Variants in CNGB1 observed in about 807,000 individuals in gnomAD.
CNGB1 encodes cyclic nucleotide gated channel subunit beta 1.
In CNGB1, 126 loss-of-function variants were observed where a neutral mutation model predicts 151.7. That is an observed-to-expected ratio of 0.83 (90% CI 0.72 to 0.96). The LOEUF (loss-of-function observed/expected upper bound fraction) is 0.96, where lower values mean the gene tolerates loss of function less well. CNGB1 is among the 40% of genes least tolerant of loss of function. The probability of loss-of-function intolerance (pLI) is 0.00; values close to 1 mark genes in which losing one functional copy is unlikely to be tolerated. For synonymous variants in CNGB1, 623 were observed against 635.1 expected (o/e 0.98, Z 0.29); for missense variants, 1,698 against 1,627.0 (o/e 1.04, Z -0.75).
intron 26 of CNGB1, 123 bp from the exon 27 acceptor site, chr16:57,904,104 G>A (rs879900510): frequency 3.0e-5 from 24 of 810,088 alleles, no homozygotes; most frequent in Non-Finnish European, 4.8e-5. Flanking sequence ...CAGGGCGTTG[G>A]GAGGGGGGTA....
At chr16:57,933,318 A>AT (rs1194319304) in intron 16 of CNGB1, among the ~76,000 whole-genome samples, 5 of 152,170 alleles carry the variant, frequency 3.3e-5, no homozygotes, top group Non-Finnish European at 7.3e-5. Flanking sequence ...GCTACTTCCT[A>AT]TTTGGATAAC....
chr16:57,926,832 T>C (rs1346081447), intron 17 of CNGB1, among the ~76,000 whole-genome samples: 2 of 152,072 alleles, frequency 1.3e-5, no homozygotes, highest in African/African-American at 4.8e-5. Flanking sequence ...ATACAAAAAT[T>C]AGCCGGGTAT....
At chr16:57,946,176 C>T (rs1961804209) in intron 14 of CNGB1, among the ~76,000 whole-genome samples, 1 of 152,170 alleles carries the variant, frequency 6.6e-6, no homozygotes, top group Non-Finnish European at 1.5e-5. Context: ...CTGGAGACAC[C>T]CTCCGGCTTT....
chr16:57,908,119 G>A (rs1960605670), intron 25 of CNGB1, among the ~76,000 whole-genome samples: 2 of 152,328 alleles, frequency 1.3e-5, no homozygotes, highest in South Asian at 2.1e-4. Context: ...TCGAACTTGT[G>A]AGCTCAAGCA....
At chr16:57,967,709 A>G (rs547474539) in intron 1 of CNGB1, among the ~76,000 whole-genome samples, 1 of 152,090 alleles carries the variant, frequency 6.6e-6, no homozygotes, top group East Asian at 1.9e-4. Context: ...AATATATAAT[A>G]TATATACACA....
chr16:57,909,534 G>A (rs1170192056), intron 25 of CNGB1, among the ~76,000 whole-genome samples: 3 of 152,152 alleles, frequency 2.0e-5, no homozygotes, highest in African/African-American at 4.8e-5. Context: ...GATTACAGGC[G>A]TGCATCACCA....
intron 24 of CNGB1, among the ~76,000 whole-genome samples, chr16:57,912,136 G>A (rs542492308): frequency 6.6e-6 from 1 of 151,896 alleles, no homozygotes; most frequent in Admixed American, 6.6e-5. Context: ...GGAGGAGCAG[G>A]GAGGGACTGA....
chr16:57,962,753 C>T, intron 6 of CNGB1, 89 bp downstream of exon 6: 1 of 1,585,814 alleles, frequency 6.3e-7, no homozygotes. Context: ...CCAGCCTGGG[C>T]AGAGGCTCCC....
intron 17 of CNGB1, among the ~76,000 whole-genome samples, chr16:57,931,161 T>A (rs1961335893): frequency 2.0e-5 from 3 of 151,444 alleles, no homozygotes; most frequent in African/African-American, 7.3e-5. Context: ...TAAAAAGTTT[T>A]TTTTTTTTAT....
intron 14 of CNGB1, among the ~76,000 whole-genome samples, chr16:57,942,062 AG>A (rs1280498001): frequency 6.6e-6 from 1 of 151,682 alleles, no homozygotes; most frequent in African/African-American, 2.4e-5. Flanking sequence ...TGGTATTTTT[AG>A]TAGAGATAGG....
chr16:57,917,400 C>G lies in CNGB1; in HGVS notation c.2034G>C (p.Trp678Cys). ...TGTCCGGGGTCTGGTAGGGGAAGGC[C>G]CAGCGCACGGGAATCAGCCAACAGT... Reference protein sequence around the residue: ...NWNCWLIPVRWAFPYQTPDNI... With the variant: ...NWNCWLIPVRCAFPYQTPDNI... Residue 678 changes from tryptophan to cysteine, a missense_variant, in exon 21 of 33, where the codon TGG becomes TGC. By Grantham distance (215) the Trp-to-Cys change is radical. Coordinates refer to ENST00000251102, the MANE Select transcript of CNGB1 (RefSeq NM_001297.5). 1.2e-6 allele frequency: 2 copies of G among 1,614,048 alleles called. No individual in the cohort carries two copies. The highest frequency in any genetic ancestry group is 1.3e-5 in the African/African-American group (1 of 74,990).
rs1015270035 is a variant in CNGB1 at position 57,958,492 on chromosome 16, G to A, written c.762-7C>T. 3 of 1,613,372 alleles carry A rather than the reference G, an allele frequency of 1.9e-6. No homozygotes were observed. The Admixed American group carries it at 5.0e-5, about 27-fold the overall frequency. ...CAGGACCCATGCCACCAGCCTGCAG[G>A]TGGGAGAGAGTGTGCGGTGTCCAGG... On this transcript the variant is annotated splice_region_variant and splice_polypyrimidine_tract_variant and intron_variant, in intron 10 of 32. Transcript: ENST00000251102.
Position 57,941,738 on chromosome 16 carries a change from ACAT to A in CNGB1, c.1122-1420_1122-1418del, listed in dbSNP as rs1448840354. Among the ~76,000 whole-genome samples the A allele has an allele frequency of 8.5e-5, 13 of 152,372 alleles. No homozygotes were observed. The East Asian group carries it at 2.3e-3, about 27-fold the overall frequency. On this transcript the variant is annotated intron_variant, in intron 14 of 32. Coordinates refer to ENST00000251102, the MANE Select transcript of CNGB1 (RefSeq NM_001297.5). ...GTCATATGTGACAAGCCCGCAGCTG[ACAT>A]CATACCTAATGGTGAAAAGCTGAAA...
intron 21 of CNGB1, 127 bp from the exon 22 acceptor site, chr16:57,916,306 G>T: frequency 1.1e-6 from 1 of 936,248 alleles, no homozygotes; most frequent in Non-Finnish European, 1.7e-6. Context: ...GACCATCTGA[G>T]CCTTGGTGAA....
At chr16:57,942,902 A>T (rs1961708167) in intron 14 of CNGB1, among the ~76,000 whole-genome samples, 1 of 151,868 alleles carries the variant, frequency 6.6e-6, no homozygotes, top group South Asian at 2.1e-4. Flanking sequence ...ATTGAACACT[A>T]CTTAAATGTA....
rs371859814 is a variant in CNGB1 at position 57,917,460 on chromosome 16, T to C, written c.1974A>G (p.Leu658=). The change falls in exon 21 of 33, where the codon CTA becomes CTG. Residue 658 remains leucine, a synonymous_variant. Transcript: ENST00000251102. The part of the protein sequence containing the change: ...IDPLTNLMYV[L]WLFFVVMAWN... Reference sequence around the variant, plus strand: ...AGGCCATCACCACGAAGAACAGCCATAGGACATACATCAGGTCTGTGGGGA... The same window carrying C: ...AGGCCATCACCACGAAGAACAGCCACAGGACATACATCAGGTCTGTGGGGA... 23 of 1,613,918 alleles carry C rather than the reference T, an allele frequency of 1.4e-5. No individual in the cohort carries two copies. The highest frequency in any genetic ancestry group is 2.2e-5 in the East Asian group (1 of 44,890).
rs755904707 is a variant in CNGB1 at position 57,962,613 on chromosome 16, G to A, written c.413-3C>T. 3 of 1,613,786 alleles carry A rather than the reference G, an allele frequency of 1.9e-6. No homozygotes were observed. Among genetic ancestry groups the A allele is most frequent in the East Asian group, 2.2e-5 (1 of 44,872 alleles). On this transcript the variant is annotated splice_polypyrimidine_tract_variant and splice_region_variant and intron_variant, in intron 6 of 32. Coordinates refer to ENST00000251102, the MANE Select transcript of CNGB1 (RefSeq NM_001297.5). ...CTCATTGGGTTCATCTGTGCACCCT[G>A]CAGGGTCAGAAAATACAGAAAGGCA...
chr16:57,901,351 C>T lies in CNGB1; in HGVS notation c.2976+1G>A. 6.2e-7 allele frequency: 1 copy of T among 1,614,066 alleles called. No homozygotes were observed. The highest frequency in any genetic ancestry group is 8.5e-7 in the Non-Finnish European group (1 of 1,179,996). ...CCGTGGTGGCTGCCAGGCCAGCTCA[C>T]CTTCTTGCACACATAGTCGTTGGGC... On this transcript the variant is annotated splice_donor_variant, in intron 29 of 32. Transcript: ENST00000251102. LOFTEE classifies it high-confidence loss of function.
At chr16:57,935,036 A>T (rs58256797) in intron 16 of CNGB1, among the ~76,000 whole-genome samples, 1,453 of 144,356 alleles carry the variant, frequency 0.01, 33 homozygotes, top group East Asian at 0.084. Context: ...ACAGAGCAAG[A>T]CTCCATCTCA....
Sources: allele counts gnomAD v4.1 joint callset (sites outside exome capture counted in the v4.1 genomes callset), GRCh38; gene constraint gnomAD v4.1.1; transcripts MANE v1.5; gene names NCBI Gene and HGNC (gene_info 2026-07-23, HGNC 2026-07-21).